Variants in SHANK2 observed in about 807,000 individuals in gnomAD.
The protein encoded by SHANK2 is SH3 and multiple ankyrin repeat domains protein 2.
A neutral mutation model predicts 133.7 loss-of-function variants in SHANK2; 43 were observed. That is an observed-to-expected ratio of 0.32 (90% confidence interval 0.25 to 0.41). The LOEUF is 0.41. Ranked by LOEUF, SHANK2 falls within the 10% of genes least tolerant of loss-of-function variation. SHANK2 has a pLI of 1.00. For missense variants in SHANK2, 1,994 were observed against 2,235.8 expected, an observed-to-expected ratio of 0.89 and a Z score of 2.18; for synonymous variants, 1,017 against 952.8, an observed-to-expected ratio of 1.07 and a Z score of -1.24.
intron 11 of SHANK2, among the ~76,000 whole-genome samples, chr11:70,891,449 C>T (rs1339130693): frequency 6.6e-6 from 1 of 152,100 alleles, no homozygotes; most frequent in Non-Finnish European, 1.5e-5. Context: ...TTGCAGTGAG[C>T]CGAGATCGCG....
intron 11 of SHANK2, among the ~76,000 whole-genome samples, chr11:70,883,374 C>T (rs560240909): frequency 1.1e-3 from 164 of 152,288 alleles, no homozygotes; most frequent in African/African-American, 3.9e-3. Flanking sequence ...CTGATACCTA[C>T]GGCAGGTATA....
chr11:70,492,558 A>C, intron 21 of SHANK2, 93 bp from the exon 22 acceptor site: 6 of 1,520,718 alleles, frequency 3.9e-6, no homozygotes, highest in East Asian at 2.3e-5. Flanking sequence ...CCACTCCAAC[A>C]TCCAAAACTG....
intron 11 of SHANK2, among the ~76,000 whole-genome samples, chr11:70,885,634 C>T (rs781928176): frequency 1.3e-4 from 20 of 152,278 alleles, no homozygotes; most frequent in Non-Finnish European, 2.4e-4. Flanking sequence ...AAAGACAAGG[C>T]ACACAGAGAT....
At chr11:70,614,390 A>C (rs2060710492) in intron 17 of SHANK2, among the ~76,000 whole-genome samples, 1 of 150,256 alleles carries the variant, frequency 6.7e-6, no homozygotes, top group Non-Finnish European at 1.5e-5. Context: ...AGCTCACTGT[A>C]ACCTCCGCCT....
At chr11:70,868,221 G>A (rs1327511345) in intron 11 of SHANK2, among the ~76,000 whole-genome samples, 1 of 152,176 alleles carries the variant, frequency 6.6e-6, no homozygotes, top group African/African-American at 2.4e-5. Context: ...AAGAAGGTGG[G>A]TCGCATAGAC....
intron 17 of SHANK2, among the ~76,000 whole-genome samples, chr11:70,551,734 C>T (rs2059771547): frequency 1.3e-5 from 2 of 152,266 alleles, no homozygotes; most frequent in South Asian, 2.1e-4. Context: ...CTATATCCCA[C>T]TTAGCCTCAG....
At chr11:70,627,758 G>C (rs1555000451) in intron 17 of SHANK2, among the ~76,000 whole-genome samples, 1 of 152,178 alleles carries the variant, frequency 6.6e-6, no homozygotes, top group African/African-American at 2.4e-5. Flanking sequence ...TTTTGTGCAT[G>C]AAACAGTTTT....
chr11:70,805,719 T>A (rs782535494), intron 13 of SHANK2, among the ~76,000 whole-genome samples: 1 of 152,182 alleles, frequency 6.6e-6, no homozygotes, highest in Non-Finnish European at 1.5e-5. Context: ...ATAGGAGATC[T>A]TGGCAAATAA....
intron 15 of SHANK2, among the ~76,000 whole-genome samples, chr11:70,671,804 C>T (rs1944814165): frequency 6.6e-6 from 1 of 152,132 alleles, no homozygotes; most frequent in Non-Finnish European, 1.5e-5. Context: ...AGGATGCCTC[C>T]CTGTGCTTCC....
intron 17 of SHANK2, among the ~76,000 whole-genome samples, chr11:70,639,524 ATCACAC>A (rs1390956558): frequency 6.6e-5 from 10 of 152,092 alleles, no homozygotes; most frequent in Non-Finnish European, 1.5e-4. Flanking sequence ...CTAAAACACC[ATCACAC>A]TGTGGATGAG....
intron 17 of SHANK2, among the ~76,000 whole-genome samples, chr11:70,514,565 A>G (rs2059242945): frequency 6.6e-6 from 1 of 152,230 alleles, no homozygotes; most frequent in Non-Finnish European, 1.5e-5. Context: ...ACACATGACA[A>G]TTATAGAATA....
At chr11:70,870,031 T>C (rs1313799142) in intron 11 of SHANK2, among the ~76,000 whole-genome samples, 2 of 152,106 alleles carry the variant, frequency 1.3e-5, no homozygotes, top group Non-Finnish European at 2.9e-5. Context: ...GGTCATTGCC[T>C]CCTTGCAGAT....
chr11:71,206,463 T>G (rs1433658971), intron 2 of SHANK2, among the ~76,000 whole-genome samples: 1 of 151,906 alleles, frequency 6.6e-6, no homozygotes, highest in African/African-American at 2.4e-5. Context: ...GCGTAAATAT[T>G]TAGAGAAAGC....
intron 17 of SHANK2, among the ~76,000 whole-genome samples, chr11:70,649,358 C>T (rs146887790): frequency 0.022 from 3,349 of 152,248 alleles, 69 homozygotes; most frequent in Non-Finnish European, 0.029. Flanking sequence ...GAGACCACAG[C>T]GGGGCTACCA....
intron 17 of SHANK2, among the ~76,000 whole-genome samples, chr11:70,536,627 TG>T (rs1376094184): frequency 6.6e-6 from 1 of 152,186 alleles, no homozygotes; most frequent in Non-Finnish European, 1.5e-5. Flanking sequence ...GCTTCAGGCT[TG>T]TGGCTCCCCT....
intron 17 of SHANK2, among the ~76,000 whole-genome samples, chr11:70,537,938 C>G (rs143588904): frequency 6.6e-6 from 1 of 152,216 alleles, no homozygotes; most frequent in Non-Finnish European, 1.5e-5. Context: ...GGCCAGTCAC[C>G]TGCCCTAGCT....
At chr11:71,154,118 G>T (rs1555108620) in intron 2 of SHANK2, among the ~76,000 whole-genome samples, 1 of 152,172 alleles carries the variant, frequency 6.6e-6, no homozygotes, top group African/African-American at 2.4e-5. Flanking sequence ...CCGAGATTTT[G>T]TGACTACACA....
chr11:71,215,374 G>A (rs1216399712), intron 2 of SHANK2, among the ~76,000 whole-genome samples: 2 of 152,160 alleles, frequency 1.3e-5, no homozygotes, highest in African/African-American at 2.4e-5. Context: ...GTCATCTCAA[G>A]GCTTTGTGTC....
chr11:70,541,805 CA>C (rs1228725305), intron 17 of SHANK2, among the ~76,000 whole-genome samples: 2 of 152,250 alleles, frequency 1.3e-5, no homozygotes, highest in African/African-American at 2.4e-5. Context: ...CAGTCCCCCA[CA>C]ACAGAGAATT....
Sources: gnomAD v4.1 joint callset for allele counts (sites outside exome capture counted in the v4.1 genomes callset) on GRCh38, gnomAD v4.1.1 for gene constraint, MANE v1.5 for transcripts, NCBI Gene and HGNC (gene_info 2026-07-23, HGNC 2026-07-21) for gene names.